ATXN3: variants seen among roughly 807,000 people sequenced by gnomAD.
The protein encoded by ATXN3 is ataxin 3.
A neutral mutation model predicts 58.2 loss-of-function variants in ATXN3; 28 were observed. The ratio of observed to expected loss-of-function variants is 0.48; its 90% confidence interval spans 0.36 to 0.66. The LOEUF (loss-of-function observed/expected upper bound fraction) is 0.66. ATXN3 is among the 30% of genes least tolerant of loss of function. The probability of loss-of-function intolerance (pLI) is 0.00; values close to 1 mark genes in which losing one functional copy is unlikely to be tolerated. For synonymous variants in ATXN3, 113 were observed against 138.5 expected, an observed-to-expected ratio of 0.82 and a Z score of 1.29; for missense variants, 321 against 422.1, an observed-to-expected ratio of 0.76 and a Z score of 2.10.
chr14:92,045,544 C>G (rs1345464632), intron 2 of ATXN3, among the ~76,000 whole-genome samples: 1 of 151,776 alleles, frequency 6.6e-6, no homozygotes, highest in Non-Finnish European at 1.5e-5. Context: ...GGGGGCAAAT[C>G]CCTGAACTTG....
In ATXN3 at chr14:92,064,270, C is replaced by T. The variant is rs371442064; in HGVS notation, c.*50G>A. 2.2e-6 allele frequency: 3 copies of T among 1,355,842 alleles called. No homozygotes were observed. In the African/African-American group the frequency reaches 4.4e-5, roughly 20 times the overall value. The allele number at this position is 1,355,842 out of a possible 1,614,324, so 84.0% of individuals were successfully genotyped here. ...CAAAGTGGACCCTATGCTGTAATCA[C>T]ACAGGATAATGTTGGAAAGTATGAA... is the stretch of plus-strand genomic sequence containing the variant. On this transcript the variant is annotated 3_prime_UTR_variant, in exon 11 of 11. Coordinates refer to ENST00000644486, the MANE Select transcript of ATXN3 (RefSeq NM_004993.6).
chr14:92,104,102 TAG>T lies in ATXN3; in HGVS notation c.24+2425_24+2426del, dbSNP rs576329374. Among the ~76,000 whole-genome samples, 150 of 152,380 alleles carry T rather than the reference TAG, an allele frequency of 9.8e-4. 1 individual carries two copies. The highest frequency in any genetic ancestry group is 3.5e-3 in the African/African-American group (145 of 41,590). ...GGTAAAGGTATTCCTGAAGTATCTG[TAG>T]GCCTATACACATGCTGATAATTAAG... On this transcript the variant is annotated intron_variant, in intron 1 of 10. Transcript: ENST00000644486.
intron 1 of ATXN3, among the ~76,000 whole-genome samples, chr14:92,049,377 G>A (rs1162627920): frequency 6.6e-6 from 1 of 152,196 alleles, no homozygotes; most frequent in Non-Finnish European, 1.5e-5. Flanking sequence ...CCAATGGAGT[G>A]TGGGTGAATA....
chr14:92,086,929 GT>G (rs1334876424), intron 6 of ATXN3, among the ~76,000 whole-genome samples: 1 of 152,150 alleles, frequency 6.6e-6, no homozygotes, highest in Non-Finnish European at 1.5e-5. Flanking sequence ...ACTGGTTTTG[GT>G]TAGAGGTAGG....
chr14:92,082,233 T>A (rs969716566), intron 8 of ATXN3, 67 bp downstream of exon 8: 1 of 1,510,180 alleles, frequency 6.6e-7, no homozygotes, highest in African/African-American at 1.4e-5. Flanking sequence ...TTAACTTCCA[T>A]GAAATCTAAG....
At chr14:92,087,005 G>C (rs1212474346) in intron 6 of ATXN3, among the ~76,000 whole-genome samples, 3 of 152,098 alleles carry the variant, frequency 2.0e-5, no homozygotes, top group African/African-American at 7.2e-5. Flanking sequence ...TGATAAATTT[G>C]CTGGTAGAAA....
intron 10 of ATXN3, among the ~76,000 whole-genome samples, 169 bp from the exon 11 acceptor site, chr14:92,064,583 C>T (rs1023378037): frequency 3.9e-5 from 6 of 152,096 alleles, no homozygotes; most frequent in African/African-American, 1.4e-4. Flanking sequence ...TTGACAAATA[C>T]ACCATCAAGA....
At chr14:92,057,365 A>G (rs1367618297), downstream of ATXN3, among the ~76,000 whole-genome samples, 1 of 149,164 alleles carries the variant, frequency 6.7e-6, no homozygotes, top group African/African-American at 2.5e-5. Context: ...GCAGTGAGCT[A>G]TCATGCCACT....
intron 9 of ATXN3, among the ~76,000 whole-genome samples, chr14:92,074,562 T>C (rs557178623): frequency 6.6e-6 from 1 of 152,346 alleles, no homozygotes; most frequent in East Asian, 1.9e-4. Context: ...TCATTACCCA[T>C]TGTCCCAACT....
intron 5 of ATXN3, among the ~76,000 whole-genome samples, chr14:92,092,397 G>C (rs1420354012): frequency 6.6e-6 from 1 of 152,096 alleles, no homozygotes; most frequent in Non-Finnish European, 1.5e-5. Context: ...TCTTAAAATA[G>C]CTTGCTCAAG....
chr14:92,061,892 G>T lies in ATXN3; in HGVS notation c.*2428C>A, dbSNP rs1224799743. The stretch of plus-strand genomic sequence containing the variant: ...GTGCTTCTGGATCTGCCTGCTAAAT[G>T]TAACAATTTCACAACAAACTACACA... On this transcript the variant is annotated 3_prime_UTR_variant, in exon 11 of 11. Coordinates refer to ENST00000644486, the MANE Select transcript of ATXN3 (RefSeq NM_004993.6). The T allele has an allele frequency of 2.0e-5, 3 of 152,146 alleles. No individual in the cohort carries two copies. The highest frequency in any genetic ancestry group is 1.9e-4 in the East Asian group (1 of 5,204). 9.4% of individuals were successfully genotyped at this position (152,146 alleles called of 1,614,324 possible).
rs1555392594 is a variant in ATXN3 at position 92,060,270 on chromosome 14, A to ATATATAT, written c.*4049_*4050insATATATA. 1 of 117,422 alleles carries ATATATAT rather than the reference A, an allele frequency of 8.5e-6. No homozygotes were observed. The highest frequency in any genetic ancestry group is 3.5e-5 in the African/African-American group (1 of 28,296). 7.3% of individuals were successfully genotyped at this position (117,422 alleles called of 1,614,324 possible). On this transcript the variant is annotated 3_prime_UTR_variant, in exon 11 of 11. Transcript: ENST00000644486. ...CACACATATATATATATATATATAT[A>ATATATAT]TTTTTTTTTTTCAGAAACAGTGTCT... is the stretch of plus-strand genomic sequence containing the variant.
At position 92,096,776 on chromosome 14, in the gene ATXN3, G is replaced by A; in HGVS notation, c.87C>T (p.Ser29=). 3 of 1,613,758 alleles carry A rather than the reference G, an allele frequency of 1.9e-6. No individual in the cohort carries two copies. Among genetic ancestry groups the A allele is most frequent in the Non-Finnish European group, 1.7e-6 (2 of 1,179,708 alleles). ...LNNLLQGEYF[S]PVELSSIAHQ... is the part of the protein sequence containing the mutation. ...GTGCAATTGAGGATAATTCCACAGG[G>A]CTAAAATATTCTCCTTGCAATAAGT... is the stretch of plus-strand genomic sequence containing the variant. The change falls in exon 2 of 11, where the codon AGC becomes AGT. Residue 29 remains serine, a synonymous_variant. Coordinates refer to ENST00000644486, the MANE Select transcript of ATXN3 (RefSeq NM_004993.6).
intron 10 of ATXN3, among the ~76,000 whole-genome samples, chr14:92,066,989 C>T (rs949444590): frequency 1.3e-4 from 20 of 151,792 alleles, no homozygotes; most frequent in Admixed American, 3.3e-4. Flanking sequence ...AGGCTGGTCT[C>T]GAACTCCTGA....
intron 5 of ATXN3, among the ~76,000 whole-genome samples, chr14:92,091,458 G>A (rs57593784): frequency 0.29 from 28,526 of 98,336 alleles, 3,317 homozygotes; most frequent in African/African-American, 0.49. Flanking sequence ...CTCAAAAGAA[G>A]GAAAGAAAGA....
chr14:92,095,092 T>G (rs1168844679), intron 3 of ATXN3, among the ~76,000 whole-genome samples: 1 of 135,136 alleles, frequency 7.4e-6, no homozygotes, highest in Non-Finnish European at 1.6e-5. Context: ...CAAAGAGAGC[T>G]ATACATTAAA....
At chr14:92,088,849 G>T (rs201197090) in intron 5 of ATXN3, 32 bp from the exon 6 acceptor site, 1 of 1,268,112 alleles carries the variant, frequency 7.9e-7, no homozygotes, top group Non-Finnish European at 1.2e-6. Flanking sequence ...TTAAGTTAGT[G>T]TATATTATAG....
intron 1 of ATXN3, among the ~76,000 whole-genome samples, chr14:92,098,715 TCTC>T (rs2065991624): frequency 6.6e-6 from 1 of 152,212 alleles, no homozygotes; most frequent in East Asian, 1.9e-4. Flanking sequence ...GTGCTGAAGT[TCTC>T]TTCATGGAAC....
intron 3 of ATXN3, among the ~76,000 whole-genome samples, chr14:92,095,251 C>A (rs528998151): frequency 6.6e-6 from 1 of 152,058 alleles, no homozygotes; most frequent in East Asian, 1.9e-4. Context: ...TTAAGGATTT[C>A]TTTTTTTCTT....
Sources: allele counts gnomAD v4.1 joint callset (sites outside exome capture counted in the v4.1 genomes callset), GRCh38; gene constraint gnomAD v4.1.1; transcripts MANE v1.5; gene names NCBI Gene and HGNC (gene_info 2026-07-23, HGNC 2026-07-21).